IGSF11: variants seen among roughly 807,000 people sequenced by gnomAD.
IGSF11 encodes the protein immunoglobulin superfamily member 11, also known as CXADR like 1.
A neutral mutation model predicts 41.0 loss-of-function variants in IGSF11; 22 were observed. That is an observed-to-expected ratio of 0.54 (90% CI 0.38 to 0.77). The LOEUF is 0.77. Ranked by LOEUF, IGSF11 falls within the 30% of genes least tolerant of loss-of-function variation. The probability of loss-of-function intolerance (pLI) is 0.00; values close to 1 mark genes in which losing one functional copy is unlikely to be tolerated. For missense variants in IGSF11, 444 were observed against 530.8 expected, an observed-to-expected ratio of 0.84 and a Z score of 1.61; for synonymous variants, 219 against 201.3, an observed-to-expected ratio of 1.09 and a Z score of -0.74.
intron 1 of IGSF11, among the ~76,000 whole-genome samples, chr3:119,120,430 T>C (rs2077316692): frequency 6.6e-6 from 1 of 152,106 alleles, no homozygotes; most frequent in South Asian, 2.1e-4. Context: ...GAGGAGTGGA[T>C]TTAGGAGTGG....
At chr3:119,104,728 A>T (rs923112199) in intron 1 of IGSF11, among the ~76,000 whole-genome samples, 1 of 152,094 alleles carries the variant, frequency 6.6e-6, no homozygotes, top group African/African-American at 2.4e-5. Flanking sequence ...CAAACTGACT[A>T]TACATTTTAC....
chr3:118,964,931 C>T (rs1009149718), intron 1 of IGSF11, among the ~76,000 whole-genome samples: 7 of 152,108 alleles, frequency 4.6e-5, no homozygotes, highest in African/African-American at 7.2e-5. Flanking sequence ...AACCACTAAA[C>T]CCAATTTTCA....
intron 1 of IGSF11, among the ~76,000 whole-genome samples, chr3:119,114,743 T>A (rs757390598): frequency 1.1e-4 from 17 of 152,342 alleles, no homozygotes; most frequent in Non-Finnish European, 2.5e-4. Flanking sequence ...TGCTTCCACA[T>A]TTTCAGGTAT....
At chr3:119,007,822 G>A (rs147165403) in intron 1 of IGSF11, among the ~76,000 whole-genome samples, 3 of 152,268 alleles carry the variant, frequency 2.0e-5, no homozygotes, top group Non-Finnish European at 4.4e-5. Flanking sequence ...AATGTATCTT[G>A]ATCATGCTTC....
rs146028443 is a variant in IGSF11 at position 118,950,617 on chromosome 3, T to C, written c.53-20342A>G. ...ATCTTGCCTGGAAAGCTATTAATAA[T>C]GTATCTATATAATAGATACATTATA... On this transcript the variant is annotated intron_variant, in intron 1 of 6. Coordinates refer to ENST00000393775, the MANE Select transcript of IGSF11 (RefSeq NM_001015887.3). Among the ~76,000 whole-genome samples, 438 of 152,056 alleles carry C rather than the reference T, an allele frequency of 2.9e-3. 2 individuals carry two copies. Among genetic ancestry groups the C allele is most frequent in the African/African-American group, 9.3e-3 (385 of 41,488 alleles).
At chr3:118,909,117 T>C (rs566645456) in intron 4 of IGSF11, among the ~76,000 whole-genome samples, 19 of 152,286 alleles carry the variant, frequency 1.2e-4, no homozygotes, top group African/African-American at 2.9e-4. Context: ...TCAAGAAATA[T>C]GAAAAATGTC....
chr3:118,924,204 C>G (rs1289885966), intron 4 of IGSF11, among the ~76,000 whole-genome samples: 1 of 152,056 alleles, frequency 6.6e-6, no homozygotes, highest in African/African-American at 2.4e-5. Context: ...TTGGCCAGAG[C>G]GAGTTCCCTC....
chr3:119,107,716 T>G (rs1268924950), upstream of IGSF11, among the ~76,000 whole-genome samples: 1 of 152,310 alleles, frequency 6.6e-6, no homozygotes, highest in Admixed American at 6.5e-5. Context: ...TTTTTATGGT[T>G]TTAGGTCTAA....
Position 118,904,808 on chromosome 3 carries a change from ATATT to A in IGSF11, c.704-14_704-11del. On this transcript the variant is annotated splice_polypyrimidine_tract_variant and intron_variant, in intron 5 of 6. Coordinates refer to ENST00000393775, the MANE Select transcript of IGSF11 (RefSeq NM_001015887.3). The stretch of plus-strand genomic sequence containing the variant: ...ATGTTCCTGGGCTGGGCTGCAAAAT[ATATT>A]TAAGATATATTTAAAGAAAAGAGAA... 1 of 1,580,424 alleles carries A rather than the reference ATATT, an allele frequency of 6.3e-7. No individual in the cohort carries two copies. Among genetic ancestry groups the A allele is most frequent in the Non-Finnish European group, 8.6e-7 (1 of 1,167,962 alleles).
At chr3:118,919,698 GT>G (rs1941549882) in intron 4 of IGSF11, among the ~76,000 whole-genome samples, 1 of 100,354 alleles carries the variant, frequency 1.0e-5, no homozygotes, top group African/African-American at 3.9e-5. Flanking sequence ...GGAAGTCAGT[GT>G]GGCGATTCCT....
chr3:119,028,952 G>A (rs1440846336), intron 1 of IGSF11, among the ~76,000 whole-genome samples: 1 of 151,910 alleles, frequency 6.6e-6, no homozygotes, highest in East Asian at 1.9e-4. Flanking sequence ...TAACGTCAGG[G>A]GAGGCTGAGT....
chr3:118,942,357 G>T (rs1943761357), intron 1 of IGSF11, among the ~76,000 whole-genome samples: 1 of 152,110 alleles, frequency 6.6e-6, no homozygotes, highest in Non-Finnish European at 1.5e-5. Flanking sequence ...GCTATATCAG[G>T]CACTTAACCC....
chr3:119,052,530 G>T (rs1263544614), intron 1 of IGSF11, among the ~76,000 whole-genome samples: 2 of 151,854 alleles, frequency 1.3e-5, no homozygotes, highest in Admixed American at 1.3e-4. Context: ...AAAAGTCCAG[G>T]ACCAGATGGA....
chr3:119,131,238 T>C (rs2077477099), intron 1 of IGSF11, among the ~76,000 whole-genome samples: 1 of 151,748 alleles, frequency 6.6e-6, no homozygotes, highest in African/African-American at 2.4e-5. Context: ...AGAAGATCAG[T>C]AAATAACAAA....
chr3:118,926,148 C>A lies in IGSF11; in HGVS notation c.533G>T (p.Trp178Leu). 1 of 1,611,598 alleles carries A rather than the reference C, an allele frequency of 6.2e-7. No individual in the cohort carries two copies. ...EEGIPRPTYL[W>L]EKLDNTLKLP... ...TTTGAGGGTATTGTCTAACTTCTCC[C>A]AAAGGTAAGTTGGTCGAGGAATGCC... Residue 178 changes from tryptophan (W) to leucine (L), a missense_variant, in exon 4 of 7, where the codon TGG (tryptophan) becomes TTG (leucine). This residue lies in a region of IGSF11 where 193 missense variants were observed against 283.5 expected (regional missense o/e 0.68). Transcript: ENST00000393775.
chr3:119,054,901 TGA>T (rs34316863), intron 1 of IGSF11, among the ~76,000 whole-genome samples: 30,539 of 151,942 alleles, frequency 0.2, 3,313 homozygotes, highest in Non-Finnish European at 0.24. Flanking sequence ...CCCTGACACC[TGA>T]GTAGCCTAAC....
intron 5 of IGSF11, among the ~76,000 whole-genome samples, chr3:118,905,044 T>C (rs921914548): frequency 6.6e-6 from 1 of 152,162 alleles, no homozygotes; most frequent in Non-Finnish European, 1.5e-5. Context: ...ACTTGCACAT[T>C]TTAGGAGAAC....
intron 1 of IGSF11, among the ~76,000 whole-genome samples, chr3:119,072,474 C>T (rs1348425355): frequency 2.6e-5 from 4 of 152,292 alleles, no homozygotes; most frequent in Middle Eastern, 6.8e-3. Context: ...CGCGGACCCT[C>T]GCGGTGAGTG....
intron 1 of IGSF11, among the ~76,000 whole-genome samples, chr3:118,986,030 T>A (rs1576559378): frequency 6.6e-6 from 1 of 152,312 alleles, no homozygotes; most frequent in East Asian, 1.9e-4. Flanking sequence ...ACTTGCCATG[T>A]CACAAACTGC....
Sources: gnomAD v4.1 joint callset for allele counts (sites outside exome capture counted in the v4.1 genomes callset) on GRCh38, gnomAD v4.1.1 for gene constraint, gnomAD v4.1.1 regional missense constraint, MANE v1.5 for transcripts, NCBI Gene and HGNC (gene_info 2026-07-23, HGNC 2026-07-21) for gene names.